RARB: variants seen among roughly 807,000 people sequenced by gnomAD.
RARB encodes retinoic acid receptor beta.
Under a neutral mutation model 51.9 loss-of-function variants are expected in RARB, and 17 were observed. The ratio of observed to expected loss-of-function variants is 0.33; its 90% CI spans 0.22 to 0.49. RARB has a LOEUF of 0.49. RARB is among the 20% of genes least tolerant of loss of function. The pLI, the probability that RARB is intolerant of heterozygous loss-of-function variation, is 0.99. For missense variants in RARB, 369 were observed against 550.8 expected (o/e 0.67, Z 3.30); for synonymous variants, 215 against 195.4 (o/e 1.10, Z -0.84).
intron 3 of RARB, among the ~76,000 whole-genome samples, chr3:25,516,420 T>C (rs1018372386): frequency 6.6e-6 from 1 of 152,182 alleles, no homozygotes; most frequent in Non-Finnish European, 1.5e-5. Flanking sequence ...ATTATTCTTT[T>C]TTCCATAATT....
intron 4 of RARB, among the ~76,000 whole-genome samples, chr3:25,137,186 T>G (rs1469462766): frequency 6.6e-6 from 1 of 151,972 alleles, no homozygotes. Context: ...TGTGGCTGAG[T>G]TGTATTTAAA....
At chr3:24,978,853 A>G (rs1021677369) in intron 2 of RARB, among the ~76,000 whole-genome samples, 2 of 151,802 alleles carry the variant, frequency 1.3e-5, no homozygotes, top group African/African-American at 2.4e-5. Flanking sequence ...TAGGGTGTCT[A>G]TTTTAGATCT....
chr3:25,472,017 C>T (rs1348395654), intron 2 of RARB, among the ~76,000 whole-genome samples: 1 of 152,158 alleles, frequency 6.6e-6, no homozygotes, highest in African/African-American at 2.4e-5. Flanking sequence ...CACCCGCGTA[C>T]CTATGTAAAA....
intron 1 of RARB, among the ~76,000 whole-genome samples, chr3:24,845,360 G>A (rs574161865): frequency 1.8e-3 from 281 of 152,316 alleles, no homozygotes; most frequent in African/African-American, 6.4e-3. Flanking sequence ...GGAGCAGTAG[G>A]TAAGAAGGAT....
chr3:25,509,675 G>A (rs1198036357), intron 3 of RARB, among the ~76,000 whole-genome samples: 2 of 152,120 alleles, frequency 1.3e-5, no homozygotes, highest in East Asian at 3.8e-4. Flanking sequence ...CTGGTATCCT[G>A]GAACCCAACT....
At chr3:25,330,362 A>G (rs1282787153) in intron 5 of RARB, among the ~76,000 whole-genome samples, 3 of 152,206 alleles carry the variant, frequency 2.0e-5, no homozygotes, top group Non-Finnish European at 2.9e-5. Context: ...CCAATATTCA[A>G]CATTCTTAAA....
chr3:24,912,972 A>ATTTTTTTTTTTTTTTTTTTTTTTTT (rs71622787), intron 2 of RARB, among the ~76,000 whole-genome samples: 13 of 57,624 alleles, frequency 2.3e-4, no homozygotes, highest in Admixed American at 7.8e-4. Flanking sequence ...CAAGGTACTG[A>ATTTTTTTTTTTTTTTTTTTTTTTTT]TTCTTTTTTT....
intron 3 of RARB, among the ~76,000 whole-genome samples, chr3:25,110,199 A>G (rs931460319): frequency 1.3e-5 from 2 of 152,216 alleles, no homozygotes; most frequent in African/African-American, 4.8e-5. Context: ...ATAGTTGACC[A>G]TGCTTAGGCT....
chr3:25,167,063 T>G (rs887085590), intron 4 of RARB, among the ~76,000 whole-genome samples: 42 of 152,324 alleles, frequency 2.8e-4, no homozygotes, highest in African/African-American at 9.4e-4. Context: ...GAATGCCAAT[T>G]TAGATATTGA....
intron 2 of RARB, among the ~76,000 whole-genome samples, chr3:24,974,217 A>C (rs59515749): frequency 2.6e-5 from 4 of 151,800 alleles, no homozygotes; most frequent in Non-Finnish European, 5.9e-5. Flanking sequence ...CATATGGTTT[A>C]TGTTCTTGGT....
chr3:25,145,872 G>C (rs949614456), intron 4 of RARB, among the ~76,000 whole-genome samples: 64 of 151,940 alleles, frequency 4.2e-4, no homozygotes, highest in Non-Finnish European at 8.8e-5. Context: ...CATGGTAGGG[G>C]GTGCCTATAA....
intron 2 of RARB, among the ~76,000 whole-genome samples, chr3:24,996,603 C>A (rs1697045761): frequency 6.6e-6 from 1 of 151,934 alleles, no homozygotes; most frequent in African/African-American, 2.4e-5. Context: ...ATAAACTTGC[C>A]TCTTAATATA....
chr3:25,476,263 T>C (rs1387281395), intron 2 of RARB, among the ~76,000 whole-genome samples: 1 of 152,206 alleles, frequency 6.6e-6, no homozygotes, highest in Non-Finnish European at 1.5e-5. Context: ...TCTTCTGCTC[T>C]AAGAATTACA....
chr3:25,140,050 G>A (rs1045003688), intron 4 of RARB, among the ~76,000 whole-genome samples: 3 of 151,730 alleles, frequency 2.0e-5, no homozygotes, highest in Non-Finnish European at 4.4e-5. Flanking sequence ...TAATGCACCT[G>A]GTCACTCAAG....
intron 5 of RARB, among the ~76,000 whole-genome samples, chr3:25,418,439 C>T (rs977440430): frequency 6.6e-6 from 1 of 152,076 alleles, no homozygotes; most frequent in Admixed American, 6.5e-5. Context: ...GTAGACCTTA[C>T]CTACAATTGC....
chr3:25,299,061 T>C (rs1367585063), intron 5 of RARB, among the ~76,000 whole-genome samples: 1 of 152,208 alleles, frequency 6.6e-6, no homozygotes, highest in Non-Finnish European at 1.5e-5. Context: ...AGGTGACTTG[T>C]TCTTACAAGG....
intron 5 of RARB, among the ~76,000 whole-genome samples, chr3:25,417,437 T>A (rs1707733588): frequency 6.6e-6 from 1 of 152,156 alleles, no homozygotes; most frequent in African/African-American, 2.4e-5. Flanking sequence ...GGGAGGTAAC[T>A]GACTCCCCCC....
At chr3:24,936,122 T>G (rs1324811586) in intron 2 of RARB, among the ~76,000 whole-genome samples, 1 of 152,110 alleles carries the variant, frequency 6.6e-6, no homozygotes, top group Non-Finnish European at 1.5e-5. Context: ...CTTTGAAATG[T>G]GTTTTGTGAT....
intron 5 of RARB, among the ~76,000 whole-genome samples, chr3:25,183,119 C>T (rs539367833): frequency 1.1e-4 from 16 of 152,200 alleles, no homozygotes; most frequent in East Asian, 9.7e-4. Flanking sequence ...CTTCTTACTA[C>T]CGAAAAAGAA....
Sources: allele counts gnomAD v4.1 joint callset (sites outside exome capture counted in the v4.1 genomes callset), GRCh38; gene constraint gnomAD v4.1.1; transcripts MANE v1.5; gene names NCBI Gene and HGNC (gene_info 2026-07-23, HGNC 2026-07-21).